The following WWOX variants were observed in gnomAD, a reference collection of about 807,000 sequenced individuals.
WWOX encodes WW domain-containing oxidoreductase.
Under a neutral mutation model 46.2 loss-of-function variants are expected in WWOX, and 69 were observed. The ratio of observed to expected loss-of-function variants is 1.49; its 90% confidence interval spans 1.23 to 1.82. The LOEUF is 1.82. Ranked by LOEUF, WWOX falls within the 40% of genes most tolerant of loss-of-function variation. WWOX has a pLI of 0.00. For synonymous variants in WWOX, 359 were observed against 202.6 expected, an observed-to-expected ratio of 1.77 and a Z score of -6.56; for missense variants, 919 against 542.6, an observed-to-expected ratio of 1.69 and a Z score of -6.89.
chr16:78,863,739 G>T (rs944097018), intron 8 of WWOX, among the ~76,000 whole-genome samples: 1 of 152,198 alleles, frequency 6.6e-6, no homozygotes, highest in Admixed American at 6.5e-5. Flanking sequence ...TAAATTAATG[G>T]GTGGTCACTG....
intron 8 of WWOX, among the ~76,000 whole-genome samples, chr16:78,488,560 A>G (rs533639408): frequency 1.5e-4 from 23 of 152,188 alleles, no homozygotes; most frequent in Non-Finnish European, 2.6e-4. Flanking sequence ...TTTTGGCCCT[A>G]CCTGGAGCCT....
intron 8 of WWOX, among the ~76,000 whole-genome samples, chr16:78,852,119 T>C (rs1046480427): frequency 1.3e-5 from 2 of 152,298 alleles, no homozygotes; most frequent in South Asian, 4.1e-4. Flanking sequence ...CATTTTGTTG[T>C]TGAAATGTTA....
intron 8 of WWOX, among the ~76,000 whole-genome samples, chr16:78,742,903 C>G (rs2049263976): frequency 6.6e-6 from 1 of 152,158 alleles, no homozygotes; most frequent in African/African-American, 2.4e-5. Flanking sequence ...GAAAGGGCCA[C>G]TTCCTGGGCC....
chr16:78,099,976 C>T, intron 1 of WWOX, 91 bp downstream of exon 1: 3 of 1,519,106 alleles, frequency 2.0e-6, no homozygotes, highest in Non-Finnish European at 2.6e-6. Context: ...CACTCCAGCG[C>T]AGCGCGTGCG....
intron 5 of WWOX, among the ~76,000 whole-genome samples, chr16:78,370,209 T>C (rs371389388): frequency 8.8e-4 from 133 of 151,012 alleles, no homozygotes; most frequent in African/African-American, 1.6e-3. Context: ...AAAGCAAAGA[T>C]TGTAAACTCT....
chr16:78,627,388 A>C lies in WWOX; in HGVS notation c.1056+194636A>C, dbSNP rs570869522. 2.0e-4 allele frequency among the ~76,000 whole-genome samples: 31 copies of C among 152,302 alleles called. No individual in the cohort carries two copies. The East Asian group carries it at 5.6e-3, about 28-fold the overall frequency. On this transcript the variant is annotated intron_variant, in intron 8 of 8. Transcript: ENST00000566780. ...GCTTAACCCCAAACTTGGGCGATTC[A>C]GTTTTACCTGTGTCCTCTCTATACC...
intron 8 of WWOX, among the ~76,000 whole-genome samples, chr16:78,854,621 C>T (rs994224842): frequency 2.0e-5 from 3 of 152,186 alleles, no homozygotes; most frequent in Non-Finnish European, 4.4e-5. Flanking sequence ...TGCTTTGTCA[C>T]CCAGACTGGA....
chr16:78,807,785 C>T (rs1597646849), intron 8 of WWOX, among the ~76,000 whole-genome samples: 1 of 152,166 alleles, frequency 6.6e-6, no homozygotes, highest in African/African-American at 2.4e-5. Context: ...GATACGGTAG[C>T]CATTAGCCAC....
chr16:78,228,539 A>T (rs964450857), intron 5 of WWOX, among the ~76,000 whole-genome samples: 21 of 151,966 alleles, frequency 1.4e-4, no homozygotes, highest in Admixed American at 1.2e-3. Flanking sequence ...ACAGGGTTTC[A>T]CCACATTGCC....
At chr16:78,483,346 G>T (rs754641887) in intron 8 of WWOX, among the ~76,000 whole-genome samples, 1 of 150,616 alleles carries the variant, frequency 6.6e-6, no homozygotes, top group Admixed American at 6.6e-5. Flanking sequence ...AAAGTCTCCC[G>T]TCTGCAGAAG....
At chr16:78,463,290 C>T (rs890519933) in intron 8 of WWOX, among the ~76,000 whole-genome samples, 1 of 152,190 alleles carries the variant, frequency 6.6e-6, no homozygotes, top group African/African-American at 2.4e-5. Context: ...TAGGCATTGT[C>T]CATCCGTGGT....
chr16:78,943,003 G>A (rs773688996), intron 8 of WWOX, among the ~76,000 whole-genome samples: 2 of 152,154 alleles, frequency 1.3e-5, no homozygotes, highest in Non-Finnish European at 2.9e-5. Flanking sequence ...TTGAATGAAA[G>A]CCTGCCTTTC....
At chr16:79,004,666 G>A (rs2047158028) in intron 8 of WWOX, 1 of 152,242 alleles carries the variant, frequency 6.6e-6, no homozygotes, top group South Asian at 2.1e-4. Flanking sequence ...TTATACTGGT[G>A]CGAAGTGATG....
intron 5 of WWOX, among the ~76,000 whole-genome samples, chr16:78,171,714 T>G (rs776276480): frequency 6.6e-6 from 1 of 152,182 alleles, no homozygotes; most frequent in Admixed American, 6.5e-5. Context: ...CTCATTTCTT[T>G]GCTTTACAAA....
chr16:79,191,763 G>T (rs2051141468), intron 8 of WWOX, among the ~76,000 whole-genome samples: 1 of 152,200 alleles, frequency 6.6e-6, no homozygotes, highest in Non-Finnish European at 1.5e-5. Context: ...CAAGCTCAGG[G>T]AGATGTGACT....
chr16:78,465,958 G>A (rs909480710), intron 8 of WWOX, among the ~76,000 whole-genome samples: 25 of 152,122 alleles, frequency 1.6e-4, no homozygotes, highest in African/African-American at 5.3e-4. Context: ...GACAGAATAC[G>A]CATCGGTGGT....
intron 5 of WWOX, among the ~76,000 whole-genome samples, chr16:78,237,877 C>G (rs1204924928): frequency 6.6e-6 from 1 of 152,192 alleles, no homozygotes; most frequent in African/African-American, 2.4e-5. Context: ...AAGTTGTTTA[C>G]TATTTAGCCC....
chr16:79,003,505 A>G (rs1440579537), intron 8 of WWOX, among the ~76,000 whole-genome samples: 1 of 152,228 alleles, frequency 6.6e-6, no homozygotes, highest in African/African-American at 2.4e-5. Flanking sequence ...TTTCTGGGTC[A>G]GGACTCTGGA....
intron 5 of WWOX, among the ~76,000 whole-genome samples, chr16:78,363,268 G>T (rs748450901): frequency 6.6e-6 from 1 of 151,260 alleles, no homozygotes; most frequent in Non-Finnish European, 1.5e-5. Context: ...TGCAAGTTTG[G>T]GGCATTTTTG....
Sources: allele counts gnomAD v4.1 joint callset (sites outside exome capture counted in the v4.1 genomes callset), GRCh38; gene constraint gnomAD v4.1.1; transcripts MANE v1.5; gene names NCBI Gene and HGNC (gene_info 2026-07-23, HGNC 2026-07-21).